The following TRPV3 variants were observed in gnomAD, a reference collection of about 807,000 sequenced individuals.
TRPV3 encodes the protein transient receptor potential cation channel subfamily V member 3.
TRPV3 carries 88 observed loss-of-function variants against 87.1 expected under a neutral mutation model. The observed-to-expected ratio is 1.01, with a 90% confidence interval of 0.85 to 1.21. TRPV3 has a LOEUF of 1.21. Ranked by LOEUF, TRPV3 falls within the 50% of genes most tolerant of loss-of-function variation. TRPV3 has a pLI of 0.00. For synonymous variants in TRPV3, 438 were observed against 423.3 expected (o/e 1.03, Z -0.43); for missense variants, 1,054 against 1,030.1 (o/e 1.02, Z -0.32).
chr17:3,526,751 C>T (rs915242593), intron 12 of TRPV3, 103 bp downstream of exon 12: 18 of 908,694 alleles, frequency 2.0e-5, no homozygotes, highest in East Asian at 7.9e-5. Context: ...ACTGGGACAC[C>T]GTGGCACAGT....
At chr17:3,516,161 G>A (rs931704495) in intron 16 of TRPV3, among the ~76,000 whole-genome samples, 3 of 149,842 alleles carry the variant, frequency 2.0e-5, no homozygotes, top group African/African-American at 4.9e-5. Flanking sequence ...ACTCCAGCCC[G>A]GGCAACAAGA....
chr17:3,516,457 C>T lies in TRPV3; in HGVS notation c.2198G>A (p.Arg733Gln), dbSNP rs764073922. The T allele has an allele frequency of 8.7e-6, 14 of 1,613,756 alleles. No individual in the cohort carries two copies. Among genetic ancestry groups the T allele is most frequent in the African/African-American group, 6.7e-5 (5 of 75,032 alleles). Residue 733 changes from arginine (R) to glutamine (Q), a missense_variant and splice_region_variant, in exon 16 of 18, where the codon CGG (arginine) becomes CAG (glutamine). Physicochemically the swap from Arg to Gln is conservative, Grantham distance 43. Transcript: ENST00000576742. Reference protein sequence around the residue: ...VAEDDFRLCLRINEVKWTEWK... With the variant: ...VAEDDFRLCLQINEVKWTEWK... Reference sequence around the variant, plus strand: ...CCCAGGGCCCTTCTCCCTTTGTTACCGCAAACACAGTCGGAAATCATCCTC... The same window carrying T: ...CCCAGGGCCCTTCTCCCTTTGTTACTGCAAACACAGTCGGAAATCATCCTC...
chr17:3,519,324 TTGGA>T (rs148324359), intron 14 of TRPV3, among the ~76,000 whole-genome samples: 5,321 of 146,678 alleles, frequency 0.036, 275 homozygotes, highest in African/African-American at 0.11. Context: ...TGCTGAATGG[TTGGA>T]TGGATGGATG....
intron 12 of TRPV3, among the ~76,000 whole-genome samples, chr17:3,524,596 G>T (rs543796314): frequency 4.4e-4 from 67 of 152,056 alleles, no homozygotes; most frequent in Non-Finnish European, 6.9e-4. Flanking sequence ...AGCTGGTGGG[G>T]ACTTTAAAAA....
chr17:3,531,770 T>C (rs1340033161), intron 8 of TRPV3, among the ~76,000 whole-genome samples: 1 of 152,090 alleles, frequency 6.6e-6, no homozygotes, highest in East Asian at 1.9e-4. Context: ...AGACACACAA[T>C]TCCTCCTCTG....
intron 12 of TRPV3, among the ~76,000 whole-genome samples, chr17:3,525,074 C>T (rs753344768): frequency 5.9e-4 from 90 of 152,300 alleles, no homozygotes; most frequent in Non-Finnish European, 1.1e-3. Flanking sequence ...GGCTGGAGTA[C>T]AGTGGCATGA....
rs924755870 is a variant in TRPV3 at position 3,511,793 on chromosome 17, C to G, written c.*2124G>C. 1.3e-5 allele frequency: 2 copies of G among 152,212 alleles called. No individual in the cohort carries two copies. Among genetic ancestry groups the G allele is most frequent in the Non-Finnish European group, 2.9e-5 (2 of 68,038 alleles). The allele number at this position is 152,212 out of a possible 1,614,324, so 9.4% of individuals were successfully genotyped here. ...TCCATTAACATCCGAGTCAAAGCAA[C>G]TCTGGATACGGCTTTATCCATAACA... is the stretch of plus-strand genomic sequence containing the variant. On this transcript the variant is annotated 3_prime_UTR_variant, in exon 18 of 18. Coordinates refer to ENST00000576742, the MANE Select transcript of TRPV3 (RefSeq NM_145068.4).
At position 3,545,258 on chromosome 17, in the gene TRPV3, G is replaced by A; in HGVS notation, c.133C>T (p.Leu45=). The A allele has an allele frequency of 6.2e-7, 1 of 1,613,644 alleles. No individual in the cohort carries two copies. The highest frequency in any genetic ancestry group is 8.5e-7 in the Non-Finnish European group (1 of 1,179,648). ...TTGGGTTCAAACCCTTCTATCTCCA[G>A]GAAGAAGTGTGCACTGAGGGAACAC... ...TPTKKSAHFF[L]EIEGFEPNPT... The change falls in exon 3 of 18, where the codon CTG becomes TTG. Residue 45 remains leucine, a synonymous_variant. Coordinates refer to ENST00000576742, the MANE Select transcript of TRPV3 (RefSeq NM_145068.4).
At chr17:3,526,832 C>T in intron 12 of TRPV3, 22 bp downstream of exon 12, 2 of 1,602,210 alleles carry the variant, frequency 1.2e-6, no homozygotes, top group Non-Finnish European at 1.7e-6. Context: ...GAGGCGATAA[C>T]CAAGGGGCCA....
At chr17:3,549,731 A>AT (rs59202779) in intron 2 of TRPV3, among the ~76,000 whole-genome samples, 1 of 126,984 alleles carries the variant, frequency 7.9e-6, no homozygotes, top group South Asian at 2.8e-4. Flanking sequence ...GGATGGATGG[A>AT]GGATGGATGG....
In TRPV3 at chr17:3,514,623, T is replaced by C. The variant is rs753370321; in HGVS notation, c.2248A>G (p.Asn750Asp). 213 of 1,614,006 alleles carry C rather than the reference T, an allele frequency of 1.3e-4. 1 individual carries two copies. Among genetic ancestry groups the C allele is most frequent in the Non-Finnish European group, 1.8e-4 (212 of 1,179,970 alleles). ...TEWKTHVSFL[N>D]EDPGPVRRTD... is the part of the protein sequence containing the mutation. The stretch of plus-strand genomic sequence containing the variant: ...CGTCTTACAGGCCCCGGGTCTTCGT[T>C]AAGGAAGGAGACGTGCGTCTTCCAT... Residue 750 changes from asparagine (N) to aspartate (D), a missense_variant, in exon 17 of 18, where the codon AAC becomes GAC. Transcript: ENST00000576742.
chr17:3,556,692 G>T lies in TRPV3; in HGVS notation c.-3+984C>A, dbSNP rs1009198617. ...CAGGCTCAGGATGGAGGAGGCATCG[G>T]CGAGGGAGAGCTTTGGCCCTGGAGC... is the stretch of plus-strand genomic sequence containing the variant. On this transcript the variant is annotated intron_variant, in intron 1 of 17. Coordinates refer to ENST00000576742, the MANE Select transcript of TRPV3 (RefSeq NM_145068.4). The surrounding 1 kb of genome is among the most constrained non-coding windows in gnomAD (Gnocchi z 4.2). 3.3e-5 allele frequency among the ~76,000 whole-genome samples: 5 copies of T among 152,192 alleles called. No homozygotes were observed. The highest frequency in any genetic ancestry group is 1.2e-4 in the African/African-American group (5 of 41,444).
intron 1 of TRPV3, among the ~76,000 whole-genome samples, chr17:3,555,107 A>G (rs1015960920): frequency 2.6e-5 from 4 of 152,106 alleles, no homozygotes; most frequent in Admixed American, 1.3e-4. Context: ...AGTAGAGACC[A>G]CCATGCCCCT....
chr17:3,527,990 C>T (rs772707032), intron 11 of TRPV3, 35 bp downstream of exon 11: 22 of 1,551,946 alleles, frequency 1.4e-5, no homozygotes, highest in Non-Finnish European at 1.6e-5. Flanking sequence ...GCCTGCCTCG[C>T]GGGGCGGTCT....
intron 6 of TRPV3, among the ~76,000 whole-genome samples, chr17:3,540,138 A>T (rs1350273185): frequency 1.3e-5 from 2 of 152,230 alleles, no homozygotes; most frequent in Non-Finnish European, 2.9e-5. Flanking sequence ...ATACAAAAAA[A>T]TGCTATGAAA....
chr17:3,532,599 T>G, intron 8 of TRPV3, 58 bp downstream of exon 8: 2 of 1,583,828 alleles, frequency 1.3e-6, no homozygotes, highest in Non-Finnish European at 8.6e-7. Flanking sequence ...GCTGAGAGGG[T>G]GGCAGCTGTA....
rs191466008 is a variant in TRPV3, at chr17:3,515,398, C to T, written c.2199-726G>A. On this transcript the variant is annotated intron_variant, in intron 16 of 17. Transcript: ENST00000576742. ...TCATGGGGCCGGGCACCGTGGCTCA[C>T]GCCTGTAATCCCAGCACTTTGGGAG... is the stretch of plus-strand genomic sequence containing the variant. 2.6e-3 allele frequency among the ~76,000 whole-genome samples: 395 copies of T among 152,216 alleles called. 2 individuals carry two copies. The highest frequency in any genetic ancestry group is 8.6e-3 in the African/African-American group (356 of 41,526).
At chr17:3,520,931 G>A in intron 14 of TRPV3, 42 bp downstream of exon 14, 1 of 1,379,804 alleles carries the variant, frequency 7.2e-7, no homozygotes, top group South Asian at 1.2e-5. Flanking sequence ...TGTATAAAGT[G>A]TTTATAAATG....
At chr17:3,521,440 T>C (rs2074245142) in intron 13 of TRPV3, among the ~76,000 whole-genome samples, 1 of 152,134 alleles carries the variant, frequency 6.6e-6, no homozygotes, top group African/African-American at 2.4e-5. Flanking sequence ...ACTAAATCAA[T>C]GAATAAGATG....
Sources: gnomAD v4.1 joint callset for allele counts (sites outside exome capture counted in the v4.1 genomes callset) on GRCh38, gnomAD v4.1.1 for gene constraint, Gnocchi (gnomAD v3.1) non-coding constraint, MANE v1.5 for transcripts, NCBI Gene and HGNC (gene_info 2026-07-23, HGNC 2026-07-21) for gene names.